ME3: variants seen among roughly 807,000 people sequenced by gnomAD.
The protein encoded by ME3 is malic enzyme 3.
A neutral mutation model predicts 68.9 loss-of-function variants in ME3; 48 were observed. The ratio of observed to expected loss-of-function variants is 0.70; its 90% CI spans 0.55 to 0.89. The LOEUF (loss-of-function observed/expected upper bound fraction) is 0.89, where lower values mean the gene tolerates loss of function less well. Among genes scored for constraint, ME3 ranks in the 40% least tolerant of loss-of-function variants. The pLI, the probability that ME3 is intolerant of heterozygous loss-of-function variation, is 0.00. For synonymous variants in ME3, 320 were observed against 318.8 expected (o/e 1.00, Z -0.04); for missense variants, 675 against 797.4 (o/e 0.85, Z 1.85).
chr11:86,452,475 T>G (rs992652556), intron 8 of ME3, among the ~76,000 whole-genome samples: 9 of 152,164 alleles, frequency 5.9e-5, no homozygotes, highest in African/African-American at 2.2e-4. Context: ...GTAAGGATAT[T>G]CAGGACTATG....
chr11:86,575,892 G>A (rs900115424), intron 2 of ME3, among the ~76,000 whole-genome samples: 1 of 152,156 alleles, frequency 6.6e-6, no homozygotes, highest in African/African-American at 2.4e-5. Context: ...TTGGTGTAGG[G>A]GGCCCTTAGT....
chr11:86,667,589 G>A (rs1946659966), intron 2 of ME3: 1 of 152,186 alleles, frequency 6.6e-6, no homozygotes, highest in African/African-American at 2.4e-5. Context: ...AATGCCATGT[G>A]ACAAGACAGA....
At chr11:86,595,297 A>G (rs1365962633) in intron 2 of ME3, among the ~76,000 whole-genome samples, 1 of 65,380 alleles carries the variant, frequency 1.5e-5, no homozygotes, top group African/African-American at 4.4e-5. Flanking sequence ...ATATACATAT[A>G]TATATATATA....
chr11:86,647,510 A>T (rs1231376045), intron 2 of ME3, among the ~76,000 whole-genome samples: 5 of 151,824 alleles, frequency 3.3e-5, no homozygotes, highest in Non-Finnish European at 7.4e-5. Flanking sequence ...AAAAAGACCC[A>T]TCTCACATGC....
chr11:86,655,952 A>C (rs36139518), intron 2 of ME3, among the ~76,000 whole-genome samples: 28,223 of 151,668 alleles, frequency 0.19, 2,704 homozygotes, highest in South Asian at 0.23. Flanking sequence ...ATGAACAGAC[A>C]CTTCTCAAAA....
chr11:86,663,115 T>C (rs1189339580), intron 2 of ME3, among the ~76,000 whole-genome samples: 1 of 152,246 alleles, frequency 6.6e-6, no homozygotes, highest in Non-Finnish European at 1.5e-5. Flanking sequence ...TGTAGCTCAC[T>C]ACCAAAAGAT....
chr11:86,670,028 A>G (rs1177151427), intron 2 of ME3, among the ~76,000 whole-genome samples: 1 of 152,112 alleles, frequency 6.6e-6, no homozygotes, highest in African/African-American at 2.4e-5. Context: ...CCTTTATTCC[A>G]AGCCAGATGG....
At chr11:86,655,729 A>C (rs1219263725) in intron 2 of ME3, among the ~76,000 whole-genome samples, 2 of 151,768 alleles carry the variant, frequency 1.3e-5, no homozygotes, top group East Asian at 1.9e-4. Context: ...AGTGGCAACA[A>C]AAGACAAAAT....
chr11:86,560,272 TG>T (rs1957142763), intron 2 of ME3, among the ~76,000 whole-genome samples: 1 of 152,264 alleles, frequency 6.6e-6, no homozygotes, highest in East Asian at 1.9e-4. Context: ...TCATGAGATC[TG>T]GTTGTTTGAT....
chr11:86,654,864 A>T (rs1945747594), intron 2 of ME3, among the ~76,000 whole-genome samples: 1 of 152,196 alleles, frequency 6.6e-6, no homozygotes, highest in African/African-American at 2.4e-5. Context: ...TCTCAGCCCA[A>T]AATCTCCTTA....
At chr11:86,579,816 G>C (rs545321118) in intron 2 of ME3, among the ~76,000 whole-genome samples, 1 of 152,300 alleles carries the variant, frequency 6.6e-6, no homozygotes, top group African/African-American at 2.4e-5. Context: ...AAAATTAATA[G>C]AGAAACTCAA....
Position 86,498,908 on chromosome 11 carries a change from C to T in ME3, c.544-784G>A, listed in dbSNP as rs553921955. Among the ~76,000 whole-genome samples, 4 of 152,298 alleles carry T rather than the reference C, an allele frequency of 2.6e-5. No individual in the cohort carries two copies. The South Asian group carries it at 8.3e-4, about 32-fold the overall frequency. On this transcript the variant is annotated intron_variant, in intron 5 of 14. Transcript: ENST00000543262. Reference sequence around the variant, plus strand: ...ACTGTGACAAATTCTGTGGGAGCTTCAGTTTGCACATCTACAAAAGCAAAT... The same window carrying T: ...ACTGTGACAAATTCTGTGGGAGCTTTAGTTTGCACATCTACAAAAGCAAAT...
chr11:86,603,348 A>T (rs578075607), intron 2 of ME3, among the ~76,000 whole-genome samples: 3 of 152,354 alleles, frequency 2.0e-5, no homozygotes, highest in African/African-American at 7.2e-5. Flanking sequence ...ACATGAAAAA[A>T]TGCTCATCAT....
intron 4 of ME3, among the ~76,000 whole-genome samples, chr11:86,547,497 G>C (rs1594393718): frequency 6.6e-6 from 1 of 152,072 alleles, no homozygotes; most frequent in African/African-American, 2.4e-5. Flanking sequence ...GGGGGGTTGG[G>C]GGAGTGATAG....
In ME3 at chr11:86,649,792, G is replaced by A. The variant is rs181198226; in HGVS notation, c.183+21970C>T. Among the ~76,000 whole-genome samples, 323 of 152,232 alleles carry A rather than the reference G, an allele frequency of 2.1e-3. 1 individual carries two copies. Among genetic ancestry groups the A allele is most frequent in the Admixed American group, 5.3e-3 (81 of 15,292 alleles). On this transcript the variant is annotated intron_variant, in intron 2 of 14. Coordinates refer to ENST00000543262, the Ensembl canonical transcript of ME3. ...CCTTCAAGGAGAACTACAAACCACCGCTTAAGGAAATCAGAGAGGACACAA... is the reference window on the plus strand; with the variant it reads ...CCTTCAAGGAGAACTACAAACCACCACTTAAGGAAATCAGAGAGGACACAA...
At chr11:86,649,774 G>A (rs949970288) in intron 2 of ME3, among the ~76,000 whole-genome samples, 1 of 152,106 alleles carries the variant, frequency 6.6e-6, no homozygotes, top group African/African-American at 2.4e-5. Context: ...ACTCCTTCAA[G>A]GAGAACTACA....
At chr11:86,600,952 AGT>A (rs2135114854) in intron 2 of ME3, among the ~76,000 whole-genome samples, 1 of 150,812 alleles carries the variant, frequency 6.6e-6, no homozygotes, top group African/African-American at 2.4e-5. Flanking sequence ...CATTCAAAGC[AGT>A]GTGTAGAGGG....
At chr11:86,509,207 G>T (rs1953317169) in intron 4 of ME3, among the ~76,000 whole-genome samples, 2 of 151,886 alleles carry the variant, frequency 1.3e-5, no homozygotes, top group South Asian at 4.2e-4. Context: ...GACTGTTTGG[G>T]CCTCTTTTCC....
intron 2 of ME3, among the ~76,000 whole-genome samples, chr11:86,645,291 C>A (rs1485786937): frequency 6.6e-6 from 1 of 152,142 alleles, no homozygotes; most frequent in Non-Finnish European, 1.5e-5. Context: ...CCCACAGAGC[C>A]CAGCAAACTA....
Sources: allele counts gnomAD v4.1 joint callset (sites outside exome capture counted in the v4.1 genomes callset), GRCh38; gene constraint gnomAD v4.1.1; transcripts MANE v1.5; gene names NCBI Gene and HGNC (gene_info 2026-07-23, HGNC 2026-07-21).